Variants in CLYBL observed in about 807,000 individuals in gnomAD.
CLYBL encodes citramalyl-CoA lyase, also known as citramalyl-CoA lyase, mitochondrial.
CLYBL carries 31 observed loss-of-function variants against 38.9 expected under a neutral mutation model. That is an observed-to-expected ratio of 0.80 (90% CI 0.60 to 1.08). The LOEUF is 1.08. Among genes scored for constraint, CLYBL ranks in the 50% least tolerant of loss-of-function variants. The pLI is 0.00. For synonymous variants in CLYBL, 171 were observed against 158.6 expected (o/e 1.08, Z -0.59); for missense variants, 434 against 411.6 (o/e 1.05, Z -0.47).
chr13:99,699,539 A>G (rs1446108275), intron 1 of CLYBL, among the ~76,000 whole-genome samples: 2 of 148,750 alleles, frequency 1.3e-5, no homozygotes, highest in Non-Finnish European at 3.0e-5. Flanking sequence ...GAAAAATACC[A>G]AAAATTAGGT....
chr13:99,697,638 C>G (rs1411113828), intron 1 of CLYBL, among the ~76,000 whole-genome samples: 1 of 150,562 alleles, frequency 6.6e-6, no homozygotes, highest in Non-Finnish European at 1.5e-5. Flanking sequence ...GCATGAGCCC[C>G]TGCACCCAGC....
intron 1 of CLYBL, among the ~76,000 whole-genome samples, chr13:99,654,027 A>G (rs186515537): frequency 3.9e-4 from 60 of 152,230 alleles, no homozygotes; most frequent in African/African-American, 1.3e-3. Context: ...TCCTTTAGCT[A>G]TGGTTCTGCC....
chr13:99,720,921 C>T (rs894901134), intron 1 of CLYBL, among the ~76,000 whole-genome samples: 12 of 152,100 alleles, frequency 7.9e-5, no homozygotes, highest in Admixed American at 7.9e-4. Context: ...TTTCTATTCT[C>T]TCATTAGCAT....
intron 1 of CLYBL, among the ~76,000 whole-genome samples, chr13:99,695,247 T>A (rs1199150369): frequency 6.6e-6 from 1 of 152,136 alleles, no homozygotes; most frequent in African/African-American, 2.4e-5. Flanking sequence ...CTTTTATAAG[T>A]AGGAAAAGAT....
chr13:99,721,696 A>G (rs974508926), intron 1 of CLYBL, among the ~76,000 whole-genome samples: 8 of 138,066 alleles, frequency 5.8e-5, no homozygotes, highest in African/African-American at 1.4e-4. Flanking sequence ...TGTCACTTTA[A>G]TAGCTCTAAA....
chr13:99,888,673 C>T (rs922441736), intron 7 of CLYBL, among the ~76,000 whole-genome samples: 4 of 152,058 alleles, frequency 2.6e-5, no homozygotes, highest in Admixed American at 1.3e-4. Flanking sequence ...GAATCGAACC[C>T]GGGAGGCGGA....
At chr13:99,729,382 A>G (rs766083241) in intron 1 of CLYBL, among the ~76,000 whole-genome samples, 2 of 152,152 alleles carry the variant, frequency 1.3e-5, no homozygotes, top group Non-Finnish European at 2.9e-5. Flanking sequence ...AGTATCAGCT[A>G]TGCTGAAGGA....
intron 2 of CLYBL, among the ~76,000 whole-genome samples, chr13:99,773,466 A>G (rs568784586): frequency 1.0e-3 from 157 of 152,316 alleles, no homozygotes; most frequent in Non-Finnish European, 1.4e-3. Flanking sequence ...CAGTGGCATT[A>G]GATTCTCAAG....
chr13:99,627,063 T>A (rs1019164299), intron 1 of CLYBL, among the ~76,000 whole-genome samples: 2 of 151,684 alleles, frequency 1.3e-5, no homozygotes, highest in Admixed American at 6.6e-5. Context: ...TGCATAAAAA[T>A]ATGCCAGAAA....
At chr13:99,610,207 C>T (rs1048609628) in intron 1 of CLYBL, among the ~76,000 whole-genome samples, 5 of 152,228 alleles carry the variant, frequency 3.3e-5, no homozygotes, top group African/African-American at 9.6e-5. Flanking sequence ...TGGACTCCTT[C>T]AGTTCTTTAT....
At chr13:99,899,591 AGAG>A (rs1329911404), downstream of CLYBL, among the ~76,000 whole-genome samples, 1 of 152,202 alleles carries the variant, frequency 6.6e-6, no homozygotes, top group Admixed American at 6.5e-5. Context: ...GTTCTGGAGA[AGAG>A]GAGGGCTATG....
At chr13:99,616,214 C>G (rs1291249711) in intron 1 of CLYBL, among the ~76,000 whole-genome samples, 1 of 141,782 alleles carries the variant, frequency 7.1e-6, no homozygotes, top group African/African-American at 2.6e-5. Flanking sequence ...AGTGGCTATT[C>G]GCAGGTGTTA....
intron 1 of CLYBL, among the ~76,000 whole-genome samples, chr13:99,763,708 C>T (rs2049210696): frequency 6.6e-6 from 1 of 152,016 alleles, no homozygotes; most frequent in Non-Finnish European, 1.5e-5. Flanking sequence ...GCAGATGCCA[C>T]CACGCCCGGC....
intron 2 of CLYBL, among the ~76,000 whole-genome samples, chr13:99,832,342 C>T (rs2050821654): frequency 6.6e-6 from 1 of 152,230 alleles, no homozygotes; most frequent in Admixed American, 6.5e-5. Flanking sequence ...CAAATGATCT[C>T]TTAAAAGAAC....
chr13:99,817,434 G>A (rs553837061), intron 2 of CLYBL, among the ~76,000 whole-genome samples: 4 of 152,032 alleles, frequency 2.6e-5, no homozygotes, highest in African/African-American at 9.6e-5. Context: ...CGAGGCGGGC[G>A]GATCACGAGG....
At chr13:99,652,842 A>G (rs1465706371) in intron 1 of CLYBL, among the ~76,000 whole-genome samples, 5 of 152,220 alleles carry the variant, frequency 3.3e-5, no homozygotes, top group Admixed American at 1.3e-4. Context: ...TTAAGAATCA[A>G]TCAAATCAAA....
intron 7 of CLYBL, among the ~76,000 whole-genome samples, chr13:99,890,105 T>G (rs974804917): frequency 6.6e-6 from 1 of 152,186 alleles, no homozygotes; most frequent in African/African-American, 2.4e-5. Context: ...GCATGCTGCT[T>G]TCTGTCCGTT....
chr13:99,901,637 ATTT>A (rs1413984777), downstream of CLYBL, among the ~76,000 whole-genome samples: 7 of 65,440 alleles, frequency 1.1e-4, no homozygotes, highest in African/African-American at 4.0e-4. Context: ...GGTTTTTTGG[ATTT>A]TTTTGTTTTT....
In CLYBL at chr13:99,849,455, G is replaced by A. The variant is rs1287635516; in HGVS notation, c.250-9406G>A. Among the ~76,000 whole-genome samples, 3 of 152,240 alleles carry A rather than the reference G, an allele frequency of 2.0e-5. No individual in the cohort carries two copies. Among genetic ancestry groups the A allele is most frequent in the Non-Finnish European group, 4.4e-5 (3 of 68,046 alleles). On this transcript the variant is annotated intron_variant, in intron 2 of 8. Coordinates refer to ENST00000339105, the MANE Select transcript of CLYBL (RefSeq NM_206808.5). This position sits in a 1 kb window ranked among gnomAD's most constrained non-coding sequence, Gnocchi z 4.9. The stretch of plus-strand genomic sequence containing the variant: ...TGGGGCCTAGGAGTTCGAGGCAGCA[G>A]TGAGCCATGATCCTGCCACTGCACT...
Sources: allele counts gnomAD v4.1 joint callset (sites outside exome capture counted in the v4.1 genomes callset), GRCh38; gene constraint gnomAD v4.1.1; non-coding constraint Gnocchi (gnomAD v3.1); transcripts MANE v1.5; gene names NCBI Gene and HGNC (gene_info 2026-07-23, HGNC 2026-07-21).